Variants in RGS12 observed in about 807,000 individuals in gnomAD.
The protein encoded by RGS12 is regulator of G-protein signaling 12.
RGS12 carries 66 observed loss-of-function variants against 120.1 expected under a neutral mutation model. The observed-to-expected ratio is 0.55, with a 90% confidence interval of 0.45 to 0.67. The LOEUF (loss-of-function observed/expected upper bound fraction) is 0.67, where lower values mean the gene tolerates loss of function less well. RGS12 is among the 30% of genes least tolerant of loss of function. The pLI, the probability that RGS12 is intolerant of heterozygous loss-of-function variation, is 0.00. For missense variants in RGS12, 1,859 were observed against 1,957.7 expected (o/e 0.95, Z 0.95); for synonymous variants, 827 against 804.7 (o/e 1.03, Z -0.47).
chr4:3,410,774 A>G (rs1323748108), intron 4 of RGS12, among the ~76,000 whole-genome samples: 4 of 152,224 alleles, frequency 2.6e-5, no homozygotes, highest in Non-Finnish European at 5.9e-5. Context: ...TGATGAGGCC[A>G]GTGAACCTAC....
chr4:3,331,961 C>T (rs1053804612), intron 2 of RGS12, among the ~76,000 whole-genome samples: 7 of 152,188 alleles, frequency 4.6e-5, no homozygotes, highest in African/African-American at 1.4e-4. Context: ...CCACCGAGTG[C>T]GCTCTCTGGG....
chr4:3,301,984 T>C (rs545909276), intron 1 of RGS12, among the ~76,000 whole-genome samples: 1 of 120,546 alleles, frequency 8.3e-6, no homozygotes, highest in East Asian at 2.4e-4. Context: ...TTTAACTGGG[T>C]ATCCTGTATT....
At chr4:3,334,954 CTTATG>C (rs1403405273) in intron 2 of RGS12, among the ~76,000 whole-genome samples, 1 of 152,000 alleles carries the variant, frequency 6.6e-6, no homozygotes, top group Non-Finnish European at 1.5e-5. Context: ...GCTTTCTTGC[CTTATG>C]TTTTGTTTTG....
chr4:3,416,311 A>G (rs1261057438), intron 7 of RGS12, among the ~76,000 whole-genome samples, 190 bp downstream of exon 7: 1 of 152,210 alleles, frequency 6.6e-6, no homozygotes, highest in Non-Finnish European at 1.5e-5. Context: ...TGGGGCTTTC[A>G]GTAGGGCCAT....
chr4:3,383,178 G>A lies in RGS12; in HGVS notation c.1999-3238G>A, dbSNP rs17796958. Among the ~76,000 whole-genome samples, 9 of 152,102 alleles carry A rather than the reference G, an allele frequency of 5.9e-5. No homozygotes were observed. The East Asian group carries it at 1.3e-3, about 23-fold the overall frequency. On this transcript the variant is annotated intron_variant, in intron 3 of 17. Transcript: ENST00000336727. ...AGGATCTCAGGTTGAGGGGACAACCGTGCTGTGGCTGAGGCTCACTGCGGG... is the reference window on the plus strand; with the variant it reads ...AGGATCTCAGGTTGAGGGGACAACCATGCTGTGGCTGAGGCTCACTGCGGG...
rs182189162 is a variant in RGS12, at chr4:3,352,384, C to A, written c.1998+9331C>A. Among the ~76,000 whole-genome samples the A allele has an allele frequency of 2.0e-5, 3 of 152,270 alleles. No individual in the cohort carries two copies. The East Asian group carries it at 5.8e-4, about 29-fold the overall frequency. On this transcript the variant is annotated intron_variant, in intron 3 of 17. Transcript: ENST00000336727. ...AAAGGGCTCAGTTGAGTGCCTCATA[C>A]CAGTTCTAAGAATTGATGATTCTTT...
At chr4:3,307,084 TG>T (rs1000418617) in intron 1 of RGS12, among the ~76,000 whole-genome samples, 1 of 152,234 alleles carries the variant, frequency 6.6e-6, no homozygotes, top group Non-Finnish European at 1.5e-5. Flanking sequence ...ATGTGGGGTT[TG>T]GAGTGAGCCC....
At chr4:3,394,185 C>CA (rs1719820491) in intron 4 of RGS12, among the ~76,000 whole-genome samples, 1 of 151,636 alleles carries the variant, frequency 6.6e-6, no homozygotes, top group Admixed American at 6.6e-5. Context: ...TTTTTTGAGA[C>CA]AGAGTCTCGC....
At chr4:3,409,227 G>T (rs759132029) in intron 4 of RGS12, among the ~76,000 whole-genome samples, 2 of 152,210 alleles carry the variant, frequency 1.3e-5, no homozygotes, top group Non-Finnish European at 1.5e-5. Flanking sequence ...GCCTCTGCAG[G>T]ACCCCAAGGG....
At chr4:3,294,245 G>A (rs1318689957) in intron 1 of RGS12, among the ~76,000 whole-genome samples, 1 of 152,252 alleles carries the variant, frequency 6.6e-6, no homozygotes, top group Non-Finnish European at 1.5e-5. Context: ...GGCAAGGCCT[G>A]CACAGAAGGG....
intron 2 of RGS12, among the ~76,000 whole-genome samples, chr4:3,334,326 G>A (rs1185226184): frequency 6.6e-6 from 1 of 152,116 alleles, no homozygotes; most frequent in East Asian, 1.9e-4. Context: ...TGCTAACATG[G>A]CAAATTACAA....
chr4:3,418,297 A>G (rs573546526), intron 9 of RGS12: 1 of 152,274 alleles, frequency 6.6e-6, no homozygotes, highest in Admixed American at 6.5e-5. Context: ...CCCATGCTGA[A>G]CGCTGGCGAA....
At chr4:3,296,029 T>A (rs994053717) in intron 1 of RGS12, among the ~76,000 whole-genome samples, 1 of 152,194 alleles carries the variant, frequency 6.6e-6, no homozygotes, top group Non-Finnish European at 1.5e-5. Context: ...CCCAGTCAGC[T>A]TCTGGAGGCT....
chr4:3,358,589 T>C (rs966562812), intron 3 of RGS12, among the ~76,000 whole-genome samples: 1 of 152,152 alleles, frequency 6.6e-6, no homozygotes, highest in Admixed American at 6.5e-5. Context: ...GTTAATGATG[T>C]GATTTTCCCT....
intron 3 of RGS12, among the ~76,000 whole-genome samples, chr4:3,351,149 G>A (rs1389317538): frequency 1.3e-5 from 2 of 151,936 alleles, no homozygotes; most frequent in African/African-American, 4.8e-5. Context: ...AGATTCAATT[G>A]AATTTAGGGT....
intron 1 of RGS12, among the ~76,000 whole-genome samples, chr4:3,293,800 G>A (rs1342359552): frequency 3.3e-5 from 5 of 149,308 alleles, no homozygotes; most frequent in South Asian, 2.1e-4. Flanking sequence ...TGGACAGAGA[G>A]GGGGCCCAGA....
chr4:3,308,032 C>T (rs894454817), intron 1 of RGS12, among the ~76,000 whole-genome samples: 3 of 152,202 alleles, frequency 2.0e-5, no homozygotes, highest in South Asian at 4.1e-4. Flanking sequence ...GGTGTTTGTG[C>T]GATTCTTGGA....
chr4:3,397,797 T>C (rs1410955449), intron 4 of RGS12, among the ~76,000 whole-genome samples: 2 of 152,232 alleles, frequency 1.3e-5, no homozygotes, highest in Non-Finnish European at 2.9e-5. Context: ...ATGAAACTCA[T>C]TGGCTTGGTA....
intron 7 of RGS12, 95 bp from the exon 8 acceptor site, chr4:3,416,818 C>G: frequency 2.7e-6 from 3 of 1,107,038 alleles, no homozygotes; most frequent in South Asian, 2.9e-5. Flanking sequence ...CAGGACAGGG[C>G]CAGTGGTTGC....
Sources: allele counts gnomAD v4.1 joint callset (sites outside exome capture counted in the v4.1 genomes callset), GRCh38; gene constraint gnomAD v4.1.1; transcripts MANE v1.5; gene names NCBI Gene and HGNC (gene_info 2026-07-23, HGNC 2026-07-21).